The following CEP83 variants were observed in gnomAD, a reference collection of about 807,000 sequenced individuals.
The protein encoded by CEP83 is centrosomal protein of 83 kDa.
Under a neutral mutation model 101.9 loss-of-function variants are expected in CEP83, and 70 were observed. That is an observed-to-expected ratio of 0.69 (90% CI 0.57 to 0.84). The LOEUF is 0.84. Among genes scored for constraint, CEP83 ranks in the 40% least tolerant of loss-of-function variants. CEP83 has a pLI of 0.00. For missense variants in CEP83, 715 were observed against 787.2 expected, an observed-to-expected ratio of 0.91 and a Z score of 1.10; for synonymous variants, 264 against 267.9, an observed-to-expected ratio of 0.99 and a Z score of 0.14.
At chr12:94,444,355 G>A (rs879839599) in intron 1 of CEP83, among the ~76,000 whole-genome samples, 1 of 152,152 alleles carries the variant, frequency 6.6e-6, no homozygotes, top group Non-Finnish European at 1.5e-5. Context: ...CCGAGATCAG[G>A]CCATTGTACT....
At chr12:94,313,669 T>C (rs900541665) in intron 14 of CEP83, among the ~76,000 whole-genome samples, 3 of 151,846 alleles carry the variant, frequency 2.0e-5, no homozygotes, top group Admixed American at 2.0e-4. Flanking sequence ...AAACCCCATC[T>C]CTACTAAAAA....
chr12:94,441,289 A>G (rs2066377867), intron 1 of CEP83, among the ~76,000 whole-genome samples: 1 of 152,250 alleles, frequency 6.6e-6, no homozygotes, highest in Non-Finnish European at 1.5e-5. Context: ...CAAAGGACTA[A>G]TATCCAGAAT....
At chr12:94,282,196 A>G in the CEP83 span, 1 of 772,612 alleles carries the variant, frequency 1.3e-6, no homozygotes, top group Admixed American at 2.1e-5. Context: ...CTTCAAACAA[A>G]GATTTACCAC....
At chr12:94,438,889 T>C (rs1460763818) in intron 1 of CEP83, among the ~76,000 whole-genome samples, 1 of 152,084 alleles carries the variant, frequency 6.6e-6, no homozygotes, top group South Asian at 2.1e-4. Context: ...ACTATACAAA[T>C]ATATGGAAAT....
At chr12:94,334,872 C>CATAG (rs2059387434) in intron 12 of CEP83, among the ~76,000 whole-genome samples, 1 of 152,124 alleles carries the variant, frequency 6.6e-6, no homozygotes, top group African/African-American at 2.4e-5. Flanking sequence ...TAATACCTCT[C>CATAG]CATATGCATA....
At chr12:94,297,868 C>T in the CEP83 span, among the ~76,000 whole-genome samples, 3 of 152,184 alleles carry the variant, frequency 2.0e-5, no homozygotes, top group African/African-American at 7.2e-5. Context: ...AAGAATTCTG[C>T]TCACACATAA....
intron 1 of CEP83, among the ~76,000 whole-genome samples, chr12:94,447,046 A>G (rs975365295): frequency 2.3e-4 from 35 of 152,336 alleles, no homozygotes; most frequent in African/African-American, 8.4e-4. Context: ...AAAGAAACAC[A>G]AAAAACTCAC....
intron 14 of CEP83, among the ~76,000 whole-genome samples, chr12:94,322,944 G>A (rs7134959): frequency 0.017 from 2,664 of 152,328 alleles, 43 homozygotes; most frequent in Non-Finnish European, 0.023. Context: ...AGCAGGGTCT[G>A]GGACCTGCAT....
chr12:94,278,913 G>T, the CEP83 span, among the ~76,000 whole-genome samples: 1 of 152,070 alleles, frequency 6.6e-6, no homozygotes, highest in African/African-American at 2.4e-5. Flanking sequence ...CAGGAGAATT[G>T]CTTGAACCCA....
the CEP83 span, among the ~76,000 whole-genome samples, chr12:94,297,744 T>C: frequency 0.011 from 1,718 of 152,370 alleles, 22 homozygotes; most frequent in Non-Finnish European, 0.021. Context: ...TTACTTGTTA[T>C]TATAGATGAG....
chr12:94,395,364 C>G (rs1479903761), intron 6 of CEP83, among the ~76,000 whole-genome samples: 1 of 133,166 alleles, frequency 7.5e-6, no homozygotes, highest in Non-Finnish European at 1.7e-5. Flanking sequence ...GAAAAAGTAA[C>G]AAATTAAAAA....
the CEP83 span, among the ~76,000 whole-genome samples, chr12:94,292,295 G>T: frequency 6.6e-6 from 1 of 152,174 alleles, no homozygotes; most frequent in Non-Finnish European, 1.5e-5. Flanking sequence ...TGAAGATGGG[G>T]TGGTCATTGT....
chr12:94,417,209 C>T (rs1191280374), intron 2 of CEP83, among the ~76,000 whole-genome samples: 4 of 151,908 alleles, frequency 2.6e-5, no homozygotes, highest in Non-Finnish European at 5.9e-5. Context: ...TGCCCAGGTA[C>T]TTGGGAGGCT....
At chr12:94,381,670 G>C (rs2061857242) in intron 6 of CEP83, among the ~76,000 whole-genome samples, 1 of 152,114 alleles carries the variant, frequency 6.6e-6, no homozygotes, top group African/African-American at 2.4e-5. Flanking sequence ...AAACTGCCTA[G>C]GTTTCTTTTT....
chr12:94,337,323 T>C (rs529113850), intron 11 of CEP83, among the ~76,000 whole-genome samples: 5 of 152,322 alleles, frequency 3.3e-5, no homozygotes, highest in East Asian at 3.9e-4. Context: ...TGGTAGACTA[T>C]AGAAGATGAT....
At chr12:94,455,447 T>A (rs1010042907) in intron 1 of CEP83, among the ~76,000 whole-genome samples, 2 of 152,228 alleles carry the variant, frequency 1.3e-5, no homozygotes, top group Non-Finnish European at 2.9e-5. Flanking sequence ...AAGAAGTAAC[T>A]GAATCAAACG....
the CEP83 span, chr12:94,282,127 A>AAC: frequency 1.9e-6 from 1 of 528,594 alleles, no homozygotes; most frequent in East Asian, 3.1e-5. Flanking sequence ...TAAACAAACA[A>AAC]ACAAAGTAAA....
chr12:94,354,687 G>A (rs556800861), intron 11 of CEP83, among the ~76,000 whole-genome samples: 1 of 152,298 alleles, frequency 6.6e-6, no homozygotes, highest in Non-Finnish European at 1.5e-5. Context: ...ACATGCTCCT[G>A]AATGACCAAT....
rs1261616795 is a variant in CEP83, at chr12:94,403,156, CA to C, written c.417+13del. 2 of 1,293,202 alleles carry C rather than the reference CA, an allele frequency of 1.5e-6. No homozygotes were observed. The highest frequency in any genetic ancestry group is 1.5e-5 in the African/African-American group (1 of 68,372). 80.1% of individuals were successfully genotyped at this position (1,293,202 alleles called of 1,614,324 possible). A position where few individuals can be genotyped will look rare whatever the true frequency, so the allele number is the denominator to read the frequency against. The stretch of plus-strand genomic sequence containing the variant: ...ATGAGGATAAATGCATAGTAAACAA[CA>C]TAAGTTACTTACTTCATCTAGATTC... On this transcript the variant is annotated intron_variant, in intron 5 of 16. Transcript: ENST00000397809.
Sources: allele counts gnomAD v4.1 joint callset (sites outside exome capture counted in the v4.1 genomes callset), GRCh38; gene constraint gnomAD v4.1.1; transcripts MANE v1.5; gene names NCBI Gene and HGNC (gene_info 2026-07-23, HGNC 2026-07-21).